GPHN: variants seen among roughly 807,000 people sequenced by gnomAD.
The protein encoded by GPHN is gephyrin.
Under a neutral mutation model 95.5 loss-of-function variants are expected in GPHN, and 17 were observed. The ratio of observed to expected loss-of-function variants is 0.18; its 90% CI spans 0.12 to 0.27. The LOEUF is 0.27. Ranked by LOEUF, GPHN falls within the 10% of genes least tolerant of loss-of-function variation. The pLI is 1.00. For synonymous variants in GPHN, 320 were observed against 322.5 expected (o/e 0.99, Z 0.08); for missense variants, 660 against 978.1 (o/e 0.67, Z 4.34).
the GPHN span, among the ~76,000 whole-genome samples, chr14:67,625,149 ATC>A: frequency 6.6e-6 from 1 of 151,906 alleles, no homozygotes; most frequent in African/African-American, 2.4e-5. Flanking sequence ...ATAACTGGAT[ATC>A]CACATTAAAA....
chr14:66,931,106 G>T (rs1381494108), intron 8 of GPHN, among the ~76,000 whole-genome samples: 2 of 151,694 alleles, frequency 1.3e-5, no homozygotes, highest in Non-Finnish European at 2.9e-5. Context: ...ATGTTTGAAG[G>T]ACATTTTCAC....
chr14:67,582,052 T>TA, the GPHN span: 1 of 1,602,730 alleles, frequency 6.2e-7, no homozygotes, highest in Non-Finnish European at 8.5e-7. The surrounding 1 kb of genome is among the most constrained non-coding windows in gnomAD (Gnocchi z 5.0). Context: ...CCTGGTTTCT[T>TA]ATTCTCTTCT....
intron 2 of GPHN, among the ~76,000 whole-genome samples, chr14:66,754,490 CAT>C (rs1231834794): frequency 1.3e-5 from 2 of 151,808 alleles, no homozygotes; most frequent in African/African-American, 2.4e-5. Context: ...TATAGTGAGT[CAT>C]ATGTGTAAGT....
chr14:66,759,330 G>A (rs952598836), intron 2 of GPHN, among the ~76,000 whole-genome samples: 1 of 152,094 alleles, frequency 6.6e-6, no homozygotes, highest in African/African-American at 2.4e-5. Context: ...AAGGTATGAG[G>A]CCAGTTTTCC....
chr14:66,823,375 T>G (rs1235113062), intron 3 of GPHN: 1 of 152,156 alleles, frequency 6.6e-6, no homozygotes, highest in Non-Finnish European at 1.5e-5. Context: ...CTTTTTAAAA[T>G]GAAGCACAGA....
At chr14:66,755,167 C>T (rs192232310) in intron 2 of GPHN, among the ~76,000 whole-genome samples, 50 of 152,058 alleles carry the variant, frequency 3.3e-4, no homozygotes, top group African/African-American at 9.6e-4. Context: ...TAGAGAGTAT[C>T]GGTTATATAG....
intron 5 of GPHN, among the ~76,000 whole-genome samples, chr14:66,902,236 A>G: frequency 6.6e-6 from 1 of 152,014 alleles, no homozygotes; most frequent in East Asian, 1.9e-4. Flanking sequence ...CTGTAACTAT[A>G]TTGAATTTGT....
the GPHN span, among the ~76,000 whole-genome samples, chr14:67,432,694 A>C: frequency 2.6e-5 from 4 of 152,178 alleles, no homozygotes; most frequent in Non-Finnish European, 5.9e-5. Context: ...GGAGGACAGA[A>C]GTCCGAAACC....
chr14:66,773,081 C>T (rs1392185215), intron 2 of GPHN, among the ~76,000 whole-genome samples: 1 of 152,130 alleles, frequency 6.6e-6, no homozygotes, highest in African/African-American at 2.4e-5. Flanking sequence ...TCTGGTCTCC[C>T]CAGAGAAGAC....
chr14:67,735,180 G>A, the GPHN span: 412 of 1,277,746 alleles, frequency 3.2e-4, no homozygotes, highest in Non-Finnish European at 4.3e-4. Context: ...AGCCACAGTC[G>A]TTCCCCTTGT....
intron 2 of GPHN, among the ~76,000 whole-genome samples, chr14:66,722,873 A>T (rs1054259160): frequency 1.3e-5 from 2 of 152,180 alleles, no homozygotes; most frequent in African/African-American, 4.8e-5. Flanking sequence ...AGTTTTAAAA[A>T]ATATATTCAG....
intron 6 of GPHN, 126 bp from the exon 7 acceptor site, chr14:66,922,540 A>G (rs1232045327): frequency 4.3e-6 from 3 of 698,052 alleles, no homozygotes; most frequent in African/African-American, 3.6e-5. Flanking sequence ...TGTTTTACAT[A>G]TGATTGATTC....
chr14:67,412,001 G>A, the GPHN span: 3 of 1,542,264 alleles, frequency 1.9e-6, no homozygotes, highest in Non-Finnish European at 1.7e-6. Context: ...ATGTCCCGAA[G>A]CTCGACGCGC....
At chr14:67,165,842 A>T (rs1344600638) in intron 20 of GPHN, among the ~76,000 whole-genome samples, 1 of 152,136 alleles carries the variant, frequency 6.6e-6, no homozygotes, top group Admixed American at 6.5e-5. Context: ...TTATAGAAAG[A>T]GCAAAGCAGG....
At chr14:66,734,712 A>G (rs920420710) in intron 2 of GPHN, among the ~76,000 whole-genome samples, 3 of 152,236 alleles carry the variant, frequency 2.0e-5, no homozygotes, top group African/African-American at 7.2e-5. Context: ...ATGAAGGATC[A>G]TAATCATAGC....
At chr14:66,933,644 A>G (rs1300556713) in intron 8 of GPHN, among the ~76,000 whole-genome samples, 1 of 152,196 alleles carries the variant, frequency 6.6e-6, no homozygotes, top group Non-Finnish European at 1.5e-5. Context: ...TTCAGTTCTC[A>G]TCTATAAAAT....
chr14:66,829,339 C>T (rs995130747), intron 4 of GPHN, among the ~76,000 whole-genome samples: 9 of 152,128 alleles, frequency 5.9e-5, no homozygotes, highest in East Asian at 3.9e-4. Context: ...CTGCCTGCTT[C>T]GGCCTCCCAA....
intron 1 of GPHN, among the ~76,000 whole-genome samples, chr14:66,518,793 A>G (rs886473165): frequency 6.6e-6 from 1 of 152,154 alleles, no homozygotes; most frequent in African/African-American, 2.4e-5. Context: ...TTGGTTTCAT[A>G]GAAGTAAAGT....
intron 1 of GPHN, among the ~76,000 whole-genome samples, chr14:66,654,210 C>T (rs1343743531): frequency 6.6e-6 from 1 of 152,016 alleles, no homozygotes; most frequent in Non-Finnish European, 1.5e-5. Context: ...TGCAGTGGCA[C>T]GTGTGACTCA....
Sources: gnomAD v4.1 joint callset for allele counts (sites outside exome capture counted in the v4.1 genomes callset) on GRCh38, gnomAD v4.1.1 for gene constraint, Gnocchi (gnomAD v3.1) non-coding constraint, MANE v1.5 for transcripts, NCBI Gene and HGNC (gene_info 2026-07-23, HGNC 2026-07-21) for gene names.